The following SV2C variants were observed in gnomAD, a reference collection of about 807,000 sequenced individuals.
SV2C encodes synaptic vesicle glycoprotein 2C, also known as solute carrier family 22 member B3.
Under a neutral mutation model 79.7 loss-of-function variants are expected in SV2C, and 49 were observed. The observed-to-expected ratio is 0.61, with a 90% CI of 0.49 to 0.78. SV2C has a LOEUF of 0.78. Ranked by LOEUF, SV2C falls within the 30% of genes least tolerant of loss-of-function variation. The pLI is 0.00. For missense variants in SV2C, 833 were observed against 912.9 expected (o/e 0.91, Z 1.13); for synonymous variants, 334 against 333.2 (o/e 1.00, Z -0.03).
intron 2 of SV2C, among the ~76,000 whole-genome samples, chr5:76,140,543 C>A (rs1304781578): frequency 6.6e-6 from 1 of 152,160 alleles, no homozygotes; most frequent in African/African-American, 2.4e-5. Flanking sequence ...CTCTTATTTT[C>A]CACTAGACTG....
chr5:76,071,652 A>G, the SV2C span, among the ~76,000 whole-genome samples: 35 of 152,340 alleles, frequency 2.3e-4, 1 homozygote, highest in East Asian at 5.4e-3. Context: ...CAATACCTTT[A>G]GATCATGCTA....
chr5:75,991,629 GAT>G, the SV2C span, among the ~76,000 whole-genome samples: 2 of 145,772 alleles, frequency 1.4e-5, no homozygotes, highest in African/African-American at 5.1e-5. Flanking sequence ...AAAACCATCA[GAT>G]ATATATATAG....
At chr5:75,921,823 T>G in the SV2C span, among the ~76,000 whole-genome samples, 478 of 87,132 alleles carry the variant, frequency 5.5e-3, 8 homozygotes, top group East Asian at 0.1. Flanking sequence ...ATAGCAGGGT[T>G]TTTTTTTTTA....
intron 7 of SV2C, 135 bp downstream of exon 7, chr5:76,291,466 G>T: frequency 1.5e-6 from 1 of 666,148 alleles, no homozygotes. Context: ...CTGGACTAGA[G>T]CCAGGTAATT....
At chr5:75,998,787 A>G in the SV2C span, among the ~76,000 whole-genome samples, 1 of 152,024 alleles carries the variant, frequency 6.6e-6, no homozygotes, top group African/African-American at 2.4e-5. Flanking sequence ...AATTCCTCAT[A>G]ATAAATCTCA....
chr5:76,145,066 C>T (rs1042880327), intron 2 of SV2C, among the ~76,000 whole-genome samples: 7 of 152,192 alleles, frequency 4.6e-5, no homozygotes, highest in African/African-American at 1.7e-4. Context: ...AGATTACCTC[C>T]ATACTGGGAG....
intron 12 of SV2C, among the ~76,000 whole-genome samples, chr5:76,339,930 A>G (rs10039397): frequency 0.37 from 55,754 of 151,852 alleles, 12,808 homozygotes; most frequent in Middle Eastern, 0.53. Flanking sequence ...ATTCTAAGTC[A>G]CAGGATGAGA....
chr5:76,283,488 A>T (rs375527906), intron 4 of SV2C, among the ~76,000 whole-genome samples: 125 of 152,304 alleles, frequency 8.2e-4, no homozygotes, highest in African/African-American at 2.9e-3. Context: ...AGTGCCTTAA[A>T]GTAATAGGAT....
the SV2C span, among the ~76,000 whole-genome samples, chr5:75,955,966 A>C: frequency 6.6e-6 from 1 of 151,378 alleles, no homozygotes; most frequent in Non-Finnish European, 1.5e-5. Flanking sequence ...AACTAGTTCA[A>C]CCATTGTGGA....
At chr5:76,207,214 A>G (rs981994975) in intron 3 of SV2C, among the ~76,000 whole-genome samples, 11 of 152,230 alleles carry the variant, frequency 7.2e-5, no homozygotes, top group African/African-American at 2.4e-4. Context: ...AAGTACCTTT[A>G]TCTTGGTCCA....
At chr5:76,335,857 A>G (rs1009149861), downstream of SV2C, among the ~76,000 whole-genome samples, 4 of 152,118 alleles carry the variant, frequency 2.6e-5, no homozygotes, top group South Asian at 6.2e-4. Context: ...CGATTTCTCA[A>G]TCCTTTCTCG....
rs1165035597 is a variant in SV2C, at chr5:76,300,790, G to T, written c.1698G>T (p.Lys566Asn). The stretch of plus-strand genomic sequence containing the variant: ...AAAACTGCTCGTTTTTTCACAACAA[G>T]ACGGGATGTCAGATTACCTTTGATG... ...EFKNCSFFHN[K>N]TGCQITFDDD... The change falls in exon 11 of 13, where the codon AAG becomes AAT. Residue 566 changes from lysine (K) to asparagine (N), a missense_variant. Physicochemically the swap from Lys to Asn is moderately conservative, Grantham distance 94. Transcript: ENST00000502798. The T allele has an allele frequency of 6.2e-7, 1 of 1,614,010 alleles. No individual in the cohort carries two copies. The highest frequency in any genetic ancestry group is 8.5e-7 in the Non-Finnish European group (1 of 1,179,988).
At chr5:76,278,514 A>G (rs1483048175) in intron 4 of SV2C, among the ~76,000 whole-genome samples, 1 of 152,228 alleles carries the variant, frequency 6.6e-6, no homozygotes, top group Non-Finnish European at 1.5e-5. Flanking sequence ...CTCCTAGGGG[A>G]CAACATTGAA....
At chr5:75,968,107 G>A in the SV2C span, among the ~76,000 whole-genome samples, 6 of 152,216 alleles carry the variant, frequency 3.9e-5, no homozygotes, top group African/African-American at 1.4e-4. Context: ...CTGCAGCTGA[G>A]GGTCCTGACT....
intron 2 of SV2C, among the ~76,000 whole-genome samples, chr5:76,188,750 A>ATT (rs1744000193): frequency 6.8e-6 from 1 of 147,948 alleles, no homozygotes; most frequent in African/African-American, 2.5e-5. Flanking sequence ...AAAATAGCAA[A>ATT]TTGTGGATAA....
the SV2C span, among the ~76,000 whole-genome samples, chr5:75,901,311 C>A: frequency 6.6e-6 from 1 of 152,192 alleles, no homozygotes; most frequent in Non-Finnish European, 1.5e-5. Context: ...ACAGACAGGA[C>A]CCTGAGCTGC....
the SV2C span, among the ~76,000 whole-genome samples, chr5:76,009,336 A>G: frequency 0.037 from 5,698 of 152,318 alleles, 233 homozygotes; most frequent in African/African-American, 0.093. Context: ...TTCAGCCATC[A>G]TGGAAAGCAG....
At chr5:76,135,443 T>C (rs1236882653) in intron 2 of SV2C, among the ~76,000 whole-genome samples, 1 of 151,884 alleles carries the variant, frequency 6.6e-6, no homozygotes, top group Non-Finnish European at 1.5e-5. Flanking sequence ...GGAGGAGGAA[T>C]CATTAAGGAG....
the SV2C span, among the ~76,000 whole-genome samples, chr5:76,042,724 C>T: frequency 2.0e-5 from 3 of 152,220 alleles, no homozygotes; most frequent in Non-Finnish European, 4.4e-5. Flanking sequence ...AACTGTCTTG[C>T]CATTGGACCT....
Sources: allele counts gnomAD v4.1 joint callset (sites outside exome capture counted in the v4.1 genomes callset), GRCh38; gene constraint gnomAD v4.1.1; transcripts MANE v1.5; gene names NCBI Gene and HGNC (gene_info 2026-07-23, HGNC 2026-07-21).